Variants in NDST3 observed in about 807,000 individuals in gnomAD.
NDST3 encodes the protein bifunctional heparan sulfate N-deacetylase/N-sulfotransferase 3.
A neutral mutation model predicts 96.1 loss-of-function variants in NDST3; 58 were observed. The observed-to-expected ratio is 0.60, with a 90% CI of 0.49 to 0.75. The LOEUF (loss-of-function observed/expected upper bound fraction) is 0.75, where lower values mean the gene tolerates loss of function less well. NDST3 is among the 30% of genes least tolerant of loss of function. The probability of loss-of-function intolerance (pLI) is 0.00; values close to 1 mark genes in which losing one functional copy is unlikely to be tolerated. For missense variants in NDST3, 788 were observed against 1,034.2 expected, an observed-to-expected ratio of 0.76 and a Z score of 3.27; for synonymous variants, 333 against 359.7, an observed-to-expected ratio of 0.93 and a Z score of 0.84.
chr4:118,186,324 C>G (rs1267240617), intron 6 of NDST3, among the ~76,000 whole-genome samples: 1 of 152,100 alleles, frequency 6.6e-6, no homozygotes, highest in East Asian at 1.9e-4. Flanking sequence ...TCAGAGTTCT[C>G]TAGAGGGACA....
chr4:118,099,297 G>C (rs2389526), intron 2 of NDST3, among the ~76,000 whole-genome samples: 114,414 of 151,934 alleles, frequency 0.75, 45,728 homozygotes, highest in South Asian at 0.92. Flanking sequence ...ACAAGAACTG[G>C]GCATTCAGCA....
intron 6 of NDST3, among the ~76,000 whole-genome samples, chr4:118,177,761 A>AT (rs1560699200): frequency 6.6e-6 from 1 of 151,940 alleles, no homozygotes; most frequent in African/African-American, 2.4e-5. Context: ...TGCTGCTGGG[A>AT]TTTTTTAAAG....
At chr4:118,056,466 A>T (rs4240313) in intron 2 of NDST3, among the ~76,000 whole-genome samples, 1 of 151,752 alleles carries the variant, frequency 6.6e-6, no homozygotes, top group Non-Finnish European at 1.5e-5. Context: ...TTCTAAACTA[A>T]CTAAATGCTT....
At chr4:118,159,412 C>T (rs957655253) in intron 6 of NDST3, among the ~76,000 whole-genome samples, 1 of 152,120 alleles carries the variant, frequency 6.6e-6, no homozygotes, top group Non-Finnish European at 1.5e-5. Flanking sequence ...GGTGAGAGGA[C>T]CTCAGAATCT....
intron 4 of NDST3, among the ~76,000 whole-genome samples, chr4:118,133,728 C>G (rs555830287): frequency 1.1e-4 from 17 of 152,226 alleles, no homozygotes; most frequent in African/African-American, 4.1e-4. Flanking sequence ...TAAAATTTCC[C>G]TGATAGTTAC....
At chr4:118,045,261 T>A (rs960737256) in intron 1 of NDST3, among the ~76,000 whole-genome samples, 2 of 152,090 alleles carry the variant, frequency 1.3e-5, no homozygotes, top group Non-Finnish European at 2.9e-5. Flanking sequence ...TACTCCACAG[T>A]ACAGCCTCAC....
chr4:118,081,456 T>C (rs138175077), intron 2 of NDST3, among the ~76,000 whole-genome samples: 103 of 152,296 alleles, frequency 6.8e-4, no homozygotes, highest in African/African-American at 2.2e-3. Context: ...CAAAAGTACA[T>C]TGCAGTATAA....
rs979140936 is a variant in NDST3 at position 118,084,645 on chromosome 4, A to C, written c.982-20373A>C. On this transcript the variant is annotated intron_variant, in intron 2 of 13. Transcript: ENST00000296499. Reference sequence around the variant, plus strand: ...AAATATGAAGTGATAATAAGCCTGCAATAATAACAAAATCCTCATTCAGGA... The same window carrying C: ...AAATATGAAGTGATAATAAGCCTGCCATAATAACAAAATCCTCATTCAGGA... 3.9e-5 allele frequency among the ~76,000 whole-genome samples: 6 copies of C among 152,230 alleles called. 1 individual carries two copies. The highest frequency in any genetic ancestry group is 2.0e-4 in the Admixed American group (3 of 15,286).
intron 3 of NDST3, among the ~76,000 whole-genome samples, chr4:118,107,545 T>C (rs1483316485): frequency 6.6e-6 from 1 of 152,064 alleles, no homozygotes; most frequent in Non-Finnish European, 1.5e-5. Flanking sequence ...ATGCTCCCAT[T>C]TGTATAAAAA....
intron 2 of NDST3, among the ~76,000 whole-genome samples, chr4:118,068,993 T>C (rs1578574492): frequency 6.6e-6 from 1 of 152,094 alleles, no homozygotes; most frequent in Non-Finnish European, 1.5e-5. Flanking sequence ...TAGTGCATTT[T>C]ACATGAAGGG....
Position 118,254,140 on chromosome 4 carries a change from G to A in NDST3, c.2502+539G>A, listed in dbSNP as rs192511872. On this transcript the variant is annotated intron_variant, in intron 13 of 13. Coordinates refer to ENST00000296499, the MANE Select transcript of NDST3 (RefSeq NM_004784.3). ...GGCACCTGTAATCCCAACTACTCAG[G>A]AGGCTGAGGCAGGAGGATCGCTTGA... 7.8e-4 allele frequency among the ~76,000 whole-genome samples: 119 copies of A among 151,944 alleles called. 1 individual carries two copies. The highest frequency in any genetic ancestry group is 3.4e-3 in the Middle Eastern group (1 of 294).
At chr4:118,170,653 C>T (rs533897192) in intron 6 of NDST3, among the ~76,000 whole-genome samples, 12 of 152,212 alleles carry the variant, frequency 7.9e-5, no homozygotes, top group East Asian at 7.7e-4. Context: ...CGCTTGAATC[C>T]GGGTGGTGGA....
chr4:118,130,620 T>A (rs982862802), intron 4 of NDST3, among the ~76,000 whole-genome samples: 1 of 152,328 alleles, frequency 6.6e-6, no homozygotes, highest in Admixed American at 6.5e-5. Context: ...AATGTTATCA[T>A]AGTCTGTGTT....
At position 118,042,033 on chromosome 4, in the gene NDST3, G is replaced by A. The variant is rs1479186809; in HGVS notation, c.-156+7441G>A. Among the ~76,000 whole-genome samples the A allele has an allele frequency of 2.0e-5, 3 of 152,208 alleles. No homozygotes were observed. The East Asian group carries it at 5.8e-4, about 29-fold the overall frequency. ...GAATTGGGTTTTTGTAGCACATTCAGACGTGCCTGTAACCTGTCAATTCCA... is the reference window on the plus strand; with the variant it reads ...GAATTGGGTTTTTGTAGCACATTCAAACGTGCCTGTAACCTGTCAATTCCA... On this transcript the variant is annotated intron_variant, in intron 1 of 13. Coordinates refer to ENST00000296499, the MANE Select transcript of NDST3 (RefSeq NM_004784.3).
At chr4:118,179,290 G>A (rs1010090721) in intron 6 of NDST3, among the ~76,000 whole-genome samples, 4 of 152,008 alleles carry the variant, frequency 2.6e-5, no homozygotes, top group Admixed American at 6.6e-5. Flanking sequence ...CATTGAAAGC[G>A]TGCCATAATG....
intron 6 of NDST3, among the ~76,000 whole-genome samples, chr4:118,148,475 T>C (rs946844835): frequency 6.6e-6 from 1 of 152,198 alleles, no homozygotes; most frequent in African/African-American, 2.4e-5. Context: ...CTCAATTTGA[T>C]ATAGCATACT....
At position 118,207,375 on chromosome 4, in the gene NDST3, GT is replaced by G. The variant is rs1293356613; in HGVS notation, c.1540-17115del. Reference sequence around the variant, plus strand: ...TTTGTAGAAAGCCTAGTATTGAATAGTATTATGCCATGTTATGGCATGAAGC... The same window carrying G: ...TTTGTAGAAAGCCTAGTATTGAATAGATTATGCCATGTTATGGCATGAAGC... On this transcript the variant is annotated intron_variant, in intron 6 of 13. Transcript: ENST00000296499. 5.5e-5 allele frequency among the ~76,000 whole-genome samples: 8 copies of G among 144,948 alleles called. 3 individuals are homozygous for G. Among genetic ancestry groups the G allele is most frequent in the Non-Finnish European group, 9.2e-5 (6 of 65,318 alleles).
chr4:118,044,501 G>T (rs1724641071), intron 1 of NDST3, among the ~76,000 whole-genome samples: 3 of 152,174 alleles, frequency 2.0e-5, no homozygotes. Flanking sequence ...CACCTATGAT[G>T]ATTAACAGTT....
intron 4 of NDST3, among the ~76,000 whole-genome samples, chr4:118,121,487 G>T (rs926270682): frequency 6.6e-6 from 1 of 152,174 alleles, no homozygotes; most frequent in South Asian, 2.1e-4. Flanking sequence ...ATTAGAGAAG[G>T]AGTGTTTAGG....
Sources: allele counts gnomAD v4.1 joint callset (sites outside exome capture counted in the v4.1 genomes callset), GRCh38; gene constraint gnomAD v4.1.1; transcripts MANE v1.5; gene names NCBI Gene and HGNC (gene_info 2026-07-23, HGNC 2026-07-21).